Variants in DOCK3 observed in about 807,000 individuals in gnomAD.
DOCK3 encodes dedicator of cytokinesis 3, also known as dedicator of cytokinesis protein 3.
A neutral mutation model predicts 265.6 loss-of-function variants in DOCK3; 60 were observed. The observed-to-expected ratio is 0.23, with a 90% CI of 0.18 to 0.28. The LOEUF (loss-of-function observed/expected upper bound fraction) is 0.28, where lower values mean the gene tolerates loss of function less well. Among genes scored for constraint, DOCK3 ranks in the 10% least tolerant of loss-of-function variants. The pLI is 1.00. For synonymous variants in DOCK3, 881 were observed against 938.0 expected, an observed-to-expected ratio of 0.94 and a Z score of 1.11; for missense variants, 1,981 against 2,594.3, an observed-to-expected ratio of 0.76 and a Z score of 5.14.
At chr3:50,804,033 G>A (rs2043239460) in intron 2 of DOCK3, among the ~76,000 whole-genome samples, 1 of 151,670 alleles carries the variant, frequency 6.6e-6, no homozygotes. Flanking sequence ...GGTGGTGGTC[G>A]GGCAGAGACA....
At chr3:51,294,376 TC>T (rs1433410774) in intron 27 of DOCK3, among the ~76,000 whole-genome samples, 1 of 151,910 alleles carries the variant, frequency 6.6e-6, no homozygotes, top group African/African-American at 2.4e-5. Flanking sequence ...ACGTGTAGAA[TC>T]TAAAAAAAAT....
intron 38 of DOCK3, among the ~76,000 whole-genome samples, chr3:51,344,781 CTG>C (rs1446495228): frequency 6.6e-6 from 1 of 152,154 alleles, no homozygotes; most frequent in East Asian, 1.9e-4. Context: ...TTTACTAACT[CTG>C]TGCAGAGGCA....
At chr3:50,681,636 C>T (rs1356922700) in intron 1 of DOCK3, among the ~76,000 whole-genome samples, 3 of 152,122 alleles carry the variant, frequency 2.0e-5, no homozygotes, top group African/African-American at 7.2e-5. Flanking sequence ...TAAGTACTTG[C>T]AGTTGATTTG....
chr3:51,316,517 A>G (rs1454259376), intron 32 of DOCK3, among the ~76,000 whole-genome samples: 1 of 152,254 alleles, frequency 6.6e-6, no homozygotes, highest in Non-Finnish European at 1.5e-5. Flanking sequence ...ACAAGTGTGT[A>G]ATTAGCTTTC....
intron 5 of DOCK3, among the ~76,000 whole-genome samples, chr3:51,059,717 TTCTCTTA>T (rs1483388179): frequency 6.6e-6 from 1 of 152,130 alleles, no homozygotes; most frequent in Admixed American, 6.6e-5. Context: ...AAAATTTTAG[TTCTCTTA>T]TTACCAGATC....
chr3:51,072,537 TAGCAGGGATTACGGACACCCACCACC>T (rs2081914806), intron 6 of DOCK3, among the ~76,000 whole-genome samples: 1 of 151,956 alleles, frequency 6.6e-6, no homozygotes, highest in Non-Finnish European at 1.5e-5. Flanking sequence ...GCCTCCCAAG[TAGCAGGGATTACGGACACCCACCACC>T]ACACCCAGCT....
intron 1 of DOCK3, among the ~76,000 whole-genome samples, chr3:50,683,525 A>G (rs1371971961): frequency 6.6e-6 from 1 of 152,122 alleles, no homozygotes; most frequent in Non-Finnish European, 1.5e-5. Context: ...TTGAATGCAG[A>G]TTATCTGTAT....
At chr3:51,017,185 A>G (rs1411638068) in intron 5 of DOCK3, among the ~76,000 whole-genome samples, 1 of 150,440 alleles carries the variant, frequency 6.6e-6, no homozygotes, top group Non-Finnish European at 1.5e-5. Context: ...CATAGTAGCC[A>G]CTAATGATCC....
intron 32 of DOCK3, among the ~76,000 whole-genome samples, chr3:51,326,020 A>G (rs1378450918): frequency 1.3e-5 from 2 of 151,628 alleles, no homozygotes; most frequent in East Asian, 3.9e-4. Context: ...ATGTAACAAA[A>G]CTGCCCGTTC....
intron 3 of DOCK3, among the ~76,000 whole-genome samples, chr3:50,856,148 G>A (rs1354978109): frequency 6.6e-6 from 1 of 152,072 alleles, no homozygotes; most frequent in East Asian, 1.9e-4. Flanking sequence ...CATTGAACAC[G>A]TGTGGTTGTA....
chr3:51,209,202 C>T (rs1430447079), intron 13 of DOCK3, among the ~76,000 whole-genome samples: 2 of 152,150 alleles, frequency 1.3e-5, no homozygotes, highest in African/African-American at 2.4e-5. Context: ...CAAATAAATA[C>T]CTCTATCTCT....
chr3:50,983,721 TC>T (rs1457488603), intron 5 of DOCK3, among the ~76,000 whole-genome samples: 4 of 152,116 alleles, frequency 2.6e-5, no homozygotes, highest in Non-Finnish European at 5.9e-5. Flanking sequence ...ATCTCATTCT[TC>T]CTGGTCACAG....
intron 1 of DOCK3, among the ~76,000 whole-genome samples, chr3:50,739,236 A>C (rs2038852697): frequency 6.6e-6 from 1 of 152,202 alleles, no homozygotes; most frequent in Non-Finnish European, 1.5e-5. Context: ...CCACAGATAC[A>C]TACCCAGGCA....
At chr3:50,952,844 A>T (rs1382881270) in intron 5 of DOCK3, among the ~76,000 whole-genome samples, 1 of 152,198 alleles carries the variant, frequency 6.6e-6, no homozygotes, top group Non-Finnish European at 1.5e-5. Flanking sequence ...TGTGAAGCTG[A>T]GACAAGAGCC....
Position 50,895,986 on chromosome 3 carries a change from T to A in DOCK3, c.218+5905T>A, listed in dbSNP as rs12497196. 7.2e-3 allele frequency among the ~76,000 whole-genome samples: 1,091 copies of A among 152,310 alleles called. 37 individuals are homozygous for A. The highest frequency in any genetic ancestry group is 0.065 in the Admixed American group (999 of 15,292). ...AACAGTGCTGCAATAAACATACGCA[T>A]GCATGTGTCTCTATAGTAGAATGAT... On this transcript the variant is annotated intron_variant, in intron 4 of 52. Transcript: ENST00000266037.
At chr3:50,789,290 G>A (rs1456986779) in intron 2 of DOCK3, among the ~76,000 whole-genome samples, 12 of 152,070 alleles carry the variant, frequency 7.9e-5, no homozygotes, top group Admixed American at 7.9e-4. Flanking sequence ...GGTTTTGAGG[G>A]TTCCTTTTGG....
chr3:51,251,371 TG>T (rs2079227414), intron 22 of DOCK3, among the ~76,000 whole-genome samples: 1 of 152,252 alleles, frequency 6.6e-6, no homozygotes, highest in African/African-American at 2.4e-5. Flanking sequence ...TATAATCCTT[TG>T]GGTATATACC....
chr3:51,112,045 AAATAAT>A (rs1314189876), intron 9 of DOCK3, among the ~76,000 whole-genome samples: 2 of 151,928 alleles, frequency 1.3e-5, no homozygotes, highest in Non-Finnish European at 2.9e-5. Flanking sequence ...TAAAAGTAAA[AAATAAT>A]AATAATAACA....
At chr3:51,155,096 C>T (rs183367967) in intron 10 of DOCK3, among the ~76,000 whole-genome samples, 65 of 152,134 alleles carry the variant, frequency 4.3e-4, no homozygotes, top group Admixed American at 2.6e-4. Flanking sequence ...CCTCCTGCCT[C>T]GGTCTCCTGA....
Sources: gnomAD v4.1 joint callset for allele counts (sites outside exome capture counted in the v4.1 genomes callset) on GRCh38, gnomAD v4.1.1 for gene constraint, MANE v1.5 for transcripts, NCBI Gene and HGNC (gene_info 2026-07-23, HGNC 2026-07-21) for gene names.